MCF2L2: variants seen among roughly 807,000 people sequenced by gnomAD.
MCF2L2 encodes the protein probable guanine nucleotide exchange factor MCF2L2.
Under a neutral mutation model 150.2 loss-of-function variants are expected in MCF2L2, and 102 were observed. The observed-to-expected ratio is 0.68, with a 90% CI of 0.58 to 0.80. The LOEUF (loss-of-function observed/expected upper bound fraction) is 0.80. MCF2L2 is among the 30% of genes least tolerant of loss of function. The pLI is 0.00. For synonymous variants in MCF2L2, 465 were observed against 491.3 expected (o/e 0.95, Z 0.71); for missense variants, 1,256 against 1,372.8 (o/e 0.91, Z 1.34).
intron 1 of MCF2L2, among the ~76,000 whole-genome samples, chr3:183,395,781 C>G (rs1340489925): frequency 1.3e-5 from 2 of 151,678 alleles, no homozygotes; most frequent in Non-Finnish European, 2.9e-5. Context: ...TAGCCAGTGT[C>G]GTGGCACGTG....
chr3:183,186,104 A>G (rs1721683611), intron 27 of MCF2L2, among the ~76,000 whole-genome samples: 1 of 152,176 alleles, frequency 6.6e-6, no homozygotes, highest in African/African-American at 2.4e-5. Context: ...GAATAAGCCC[A>G]AAGATGAGTG....
chr3:183,201,432 G>A (rs2108642481), intron 25 of MCF2L2, among the ~76,000 whole-genome samples: 1 of 152,268 alleles, frequency 6.6e-6, no homozygotes, highest in Non-Finnish European at 1.5e-5. Flanking sequence ...CTGTTTGTCT[G>A]TTATTGGTGT....
chr3:183,396,370 T>C (rs1488323063), intron 1 of MCF2L2, among the ~76,000 whole-genome samples: 1 of 152,174 alleles, frequency 6.6e-6, no homozygotes, highest in Non-Finnish European at 1.5e-5. Flanking sequence ...ATCCTTCCTC[T>C]CACATAGCAT....
At chr3:183,427,633 C>G (rs1007908310) in intron 1 of MCF2L2, among the ~76,000 whole-genome samples, 3 of 152,130 alleles carry the variant, frequency 2.0e-5, no homozygotes, top group Non-Finnish European at 2.9e-5. Context: ...AACAGCCCAG[C>G]AGCCCTCGGT....
intron 5 of MCF2L2, among the ~76,000 whole-genome samples, chr3:183,332,317 A>G (rs147743276): frequency 9.5e-4 from 144 of 152,294 alleles, no homozygotes; most frequent in African/African-American, 3.3e-3. Flanking sequence ...GCCCTACTCA[A>G]TGTGCCCAGG....
chr3:183,359,011 T>C (rs1452338460), intron 3 of MCF2L2, among the ~76,000 whole-genome samples: 1 of 152,064 alleles, frequency 6.6e-6, no homozygotes, highest in Admixed American at 6.6e-5. Flanking sequence ...GGGTTTTTTT[T>C]TTTTTTCTGT....
chr3:183,271,110 T>C (rs1233183718), intron 15 of MCF2L2: 1 of 528,970 alleles, frequency 1.9e-6, no homozygotes, highest in Admixed American at 3.9e-5. Context: ...ACTTATCTAC[T>C]TCATTGCCTA....
chr3:183,223,720 G>A (rs902620351), intron 19 of MCF2L2, among the ~76,000 whole-genome samples: 1 of 152,174 alleles, frequency 6.6e-6, no homozygotes, highest in Non-Finnish European at 1.5e-5. Flanking sequence ...AGACAGTGGG[G>A]CATTTCAAGT....
At chr3:183,394,320 G>A (rs979964086) in intron 1 of MCF2L2, among the ~76,000 whole-genome samples, 4 of 152,204 alleles carry the variant, frequency 2.6e-5, no homozygotes, top group East Asian at 1.9e-4. Context: ...AACTTTGCAC[G>A]TCACAGATTA....
At chr3:183,322,829 T>C (rs1188343943) in intron 6 of MCF2L2, among the ~76,000 whole-genome samples, 1 of 152,138 alleles carries the variant, frequency 6.6e-6, no homozygotes, top group Non-Finnish European at 1.5e-5. Flanking sequence ...ACTATTTAAA[T>C]GTAGCTTCTT....
intron 10 of MCF2L2, among the ~76,000 whole-genome samples, chr3:183,303,952 C>T (rs748106433): frequency 5.3e-5 from 8 of 152,154 alleles, no homozygotes; most frequent in Non-Finnish European, 8.8e-5. Context: ...CCATTCTCTG[C>T]TGCAACCATA....
chr3:183,264,265 T>C lies in MCF2L2; in HGVS notation c.1862+12607A>G, dbSNP rs546277646. On this transcript the variant is annotated intron_variant, in intron 15 of 29. Coordinates refer to ENST00000328913, the MANE Select transcript of MCF2L2 (RefSeq NM_015078.4). ...CTAAAACAAAGATTGTTCCTACTCCTGCAGCCACCTAAATCCTAGTCGTCC... is the reference window on the plus strand; with the variant it reads ...CTAAAACAAAGATTGTTCCTACTCCCGCAGCCACCTAAATCCTAGTCGTCC... Among the ~76,000 whole-genome samples, 9 of 152,314 alleles carry C rather than the reference T, an allele frequency of 5.9e-5. No homozygotes were observed. The South Asian group carries it at 1.9e-3, about 32-fold the overall frequency.
chr3:183,389,724 T>C lies in MCF2L2; in HGVS notation c.132A>G (p.Gln44=). The change falls in exon 2 of 30, where the codon CAA becomes CAG. Residue 44 remains glutamine, a synonymous_variant. Transcript: ENST00000328913. ...RPLMAVEIIE[Q]LHRQFAILSG... The stretch of plus-strand genomic sequence containing the variant: ...AAAGAATGGCAAATTGTCTGTGAAG[T>C]TGTTCTATTATCTCCACCGCCATCA... 2 of 1,614,176 alleles carry C rather than the reference T, an allele frequency of 1.2e-6. No individual in the cohort carries two copies. Among genetic ancestry groups the C allele is most frequent in the Non-Finnish European group, 1.7e-6 (2 of 1,179,994 alleles).
At chr3:183,326,562 A>C (rs572774054) in intron 5 of MCF2L2, among the ~76,000 whole-genome samples, 19 of 151,906 alleles carry the variant, frequency 1.3e-4, no homozygotes, top group African/African-American at 1.7e-4. Flanking sequence ...GTAATTATAG[A>C]TTCACAAGAA....
chr3:183,195,974 T>C (rs1323962601), intron 25 of MCF2L2, among the ~76,000 whole-genome samples: 1 of 152,210 alleles, frequency 6.6e-6, no homozygotes, highest in African/African-American at 2.4e-5. Context: ...AGGCTTTGCC[T>C]TGTTTCCCAC....
chr3:183,392,269 G>C (rs1481809025), intron 1 of MCF2L2, among the ~76,000 whole-genome samples: 1 of 152,136 alleles, frequency 6.6e-6, no homozygotes, highest in Non-Finnish European at 1.5e-5. Flanking sequence ...TCCTAAACTT[G>C]CCTGTGGTTA....
In MCF2L2 at chr3:183,179,742, G is replaced by A. The variant is rs774213832; in HGVS notation, c.3106-50C>T. On this transcript the variant is annotated intron_variant, in intron 28 of 29. Coordinates refer to ENST00000328913, the MANE Select transcript of MCF2L2 (RefSeq NM_015078.4). The surrounding 1 kb of genome is among the most constrained non-coding windows in gnomAD (Gnocchi z 4.2). ...CCTCAGAGTTATTGCTGGAGGCTGT[G>A]GCCAGACCGGGCAAGGTGGTGACTC... The A allele has an allele frequency of 5.3e-6, 8 of 1,516,398 alleles. No individual in the cohort carries two copies. The highest frequency in any genetic ancestry group is 2.3e-5 in the East Asian group (1 of 44,202). 93.9% of individuals were successfully genotyped at this position (1,516,398 alleles called of 1,614,324 possible). A position where few individuals can be genotyped will look rare whatever the true frequency, so the allele number is the denominator to read the frequency against.
intron 5 of MCF2L2, among the ~76,000 whole-genome samples, chr3:183,327,439 G>C (rs994551564): frequency 3.3e-5 from 5 of 152,186 alleles, no homozygotes; most frequent in African/African-American, 1.2e-4. Flanking sequence ...TATCACAAAG[G>C]ACGGCAAAAA....
intron 3 of MCF2L2, among the ~76,000 whole-genome samples, chr3:183,371,697 T>C (rs1374025913): frequency 2.6e-5 from 4 of 151,628 alleles, no homozygotes; most frequent in Non-Finnish European, 5.9e-5. Flanking sequence ...AGGCTGTTCT[T>C]GAACTCCTGA....
Sources: allele counts gnomAD v4.1 joint callset (sites outside exome capture counted in the v4.1 genomes callset), GRCh38; gene constraint gnomAD v4.1.1; non-coding constraint Gnocchi (gnomAD v3.1); transcripts MANE v1.5; gene names NCBI Gene and HGNC (gene_info 2026-07-23, HGNC 2026-07-21).